CEP85L: variants seen among roughly 807,000 people sequenced by gnomAD.
CEP85L encodes the protein centrosomal protein 85L, also known as centrosomal protein of 85 kDa-like.
Under a neutral mutation model 100.3 loss-of-function variants are expected in CEP85L, and 60 were observed. The ratio of observed to expected loss-of-function variants is 0.60; its 90% CI spans 0.49 to 0.74. The LOEUF (loss-of-function observed/expected upper bound fraction) is 0.74. Among genes scored for constraint, CEP85L ranks in the 30% least tolerant of loss-of-function variants. The probability of loss-of-function intolerance (pLI) is 0.00; values close to 1 mark genes in which losing one functional copy is unlikely to be tolerated. For synonymous variants in CEP85L, 319 were observed against 322.7 expected (o/e 0.99, Z 0.12); for missense variants, 973 against 936.2 (o/e 1.04, Z -0.51).
At chr6:118,520,569 G>C (rs534817915) in intron 4 of CEP85L, among the ~76,000 whole-genome samples, 18 of 151,858 alleles carry the variant, frequency 1.2e-4, no homozygotes, top group African/African-American at 3.9e-4. Context: ...CTCTCTTCTA[G>C]CTATTTGAAA....
At chr6:118,470,779 T>C (rs1285825324) in intron 10 of CEP85L, 135 bp from the exon 11 acceptor site, 3 of 470,554 alleles carry the variant, frequency 6.4e-6, no homozygotes, top group Non-Finnish European at 1.1e-5. Flanking sequence ...AGATGAAGCC[T>C]TCACTTTTAA....
intron 12 of CEP85L, among the ~76,000 whole-genome samples, 175 bp downstream of exon 12, chr6:118,468,897 A>C (rs1772727885): frequency 6.6e-6 from 1 of 152,216 alleles, no homozygotes; most frequent in Non-Finnish European, 1.5e-5. Context: ...TGTCAGCTAT[A>C]ACCCTACTCA....
intron 12 of CEP85L, among the ~76,000 whole-genome samples, chr6:118,466,295 T>C (rs1316925678): frequency 1.3e-5 from 2 of 152,220 alleles, no homozygotes; most frequent in Non-Finnish European, 2.9e-5. Context: ...TAGTTTATTG[T>C]AGGCATAAGA....
chr6:118,549,794 G>C (rs9481824), intron 3 of CEP85L, among the ~76,000 whole-genome samples: 4,384 of 151,810 alleles, frequency 0.029, 106 homozygotes, highest in African/African-American at 0.056. Context: ...TATTGTATCA[G>C]AATTTTGCTA....
rs1299563783 is a variant in CEP85L, at chr6:118,461,663, A to T, written c.*3742T>A. ...CATACATGATTAAATATATGATATA[A>T]TCATATGGCAATATGCCACCCATGG... On this transcript the variant is annotated 3_prime_UTR_variant, in exon 13 of 13. Coordinates refer to ENST00000368491, the MANE Select transcript of CEP85L (RefSeq NM_001042475.3). 6.6e-6 allele frequency: 1 copy of T among 152,126 alleles called. No homozygotes were observed. The highest frequency in any genetic ancestry group is 2.4e-5 in the African/African-American group (1 of 41,458). The allele number at this position is 152,126 out of a possible 1,614,324, so 9.4% of individuals were successfully genotyped here.
chr6:118,625,809 A>G (rs1773751165), intron 2 of CEP85L, among the ~76,000 whole-genome samples: 1 of 152,148 alleles, frequency 6.6e-6, no homozygotes, highest in African/African-American at 2.4e-5. Context: ...CCATCTTGCT[A>G]TCACTCGCCT....
At chr6:118,548,434 T>C (rs954585334) in intron 3 of CEP85L, 1 of 152,146 alleles carries the variant, frequency 6.6e-6, no homozygotes, top group Non-Finnish European at 1.5e-5. Context: ...TCTTACTTTC[T>C]ATAATTCTTA....
At chr6:118,702,995 C>CAAAAA (rs34426942) in intron 1 of CEP85L, among the ~76,000 whole-genome samples, 3 of 93,684 alleles carry the variant, frequency 3.2e-5, no homozygotes, top group Admixed American at 1.2e-4. Flanking sequence ...GACTCTGTCT[C>CAAAAA]AAAAAAAAAA....
intron 2 of CEP85L, among the ~76,000 whole-genome samples, chr6:118,568,646 A>G (rs1304023006): frequency 6.6e-6 from 1 of 152,218 alleles, no homozygotes; most frequent in African/African-American, 2.4e-5. Flanking sequence ...TGATATGATC[A>G]AAAAAATTGT....
chr6:118,676,131 T>A (rs1263914672), intron 1 of CEP85L, among the ~76,000 whole-genome samples: 2 of 152,194 alleles, frequency 1.3e-5, no homozygotes, highest in Non-Finnish European at 2.9e-5. Flanking sequence ...TAATTGTATA[T>A]ATTTATGGGC....
intron 1 of CEP85L, among the ~76,000 whole-genome samples, chr6:118,700,568 C>T (rs903600716): frequency 6.6e-6 from 1 of 152,244 alleles, no homozygotes; most frequent in Admixed American, 6.5e-5. Flanking sequence ...TACCTTAGCA[C>T]TCTTTCAATT....
Position 118,519,885 on chromosome 6 carries a change from C to T in CEP85L, c.1139+3917G>A, listed in dbSNP as rs1776558490. On this transcript the variant is annotated intron_variant, in intron 4 of 12. Transcript: ENST00000368491. ...AATACATTACAAGAAAAGAAAAATA[C>T]AGACCAATATCTCTTATAAATATAA... is the stretch of plus-strand genomic sequence containing the variant. Among the ~76,000 whole-genome samples, 4 of 152,132 alleles carry T rather than the reference C, an allele frequency of 2.6e-5. No homozygotes were observed. The South Asian group carries it at 8.3e-4, about 32-fold the overall frequency.
At chr6:118,536,712 C>T (rs1278326360) in intron 3 of CEP85L, among the ~76,000 whole-genome samples, 1 of 152,148 alleles carries the variant, frequency 6.6e-6, no homozygotes. Context: ...ATATACCCTA[C>T]ACCAAGAATG....
intron 3 of CEP85L, among the ~76,000 whole-genome samples, chr6:118,553,129 C>T (rs1778646637): frequency 6.7e-6 from 1 of 150,202 alleles, no homozygotes; most frequent in Admixed American, 6.7e-5. Context: ...CTAAAAAGAT[C>T]AGATAACATG....
intron 5 of CEP85L, among the ~76,000 whole-genome samples, chr6:118,500,057 T>C (rs1425804104): frequency 6.6e-6 from 1 of 152,180 alleles, no homozygotes; most frequent in South Asian, 2.1e-4. Flanking sequence ...TCCCAGCACC[T>C]TGGAAGGCCA....
rs71012391 is a variant in CEP85L, at chr6:118,542,900, C to CAAAAAAAAAAAAAAAAAAAAAAAAAAAA, written c.1021-18981_1021-18980insTTTTTTTTTTTTTTTTTTTTTTTTTTTT. ...GAACTTCAACATCACCAAGTTTTCC[C>CAAAAAAAAAAAAAAAAAAAAAAAAAAAA]AAAAAAAAAAAAAAAAAAAAAAACA... is the stretch of plus-strand genomic sequence containing the variant. On this transcript the variant is annotated intron_variant, in intron 3 of 12. Transcript: ENST00000368491. Among the ~76,000 whole-genome samples, 17 of 67,158 alleles carry CAAAAAAAAAAAAAAAAAAAAAAAAAAAA rather than the reference C, an allele frequency of 2.5e-4. 3 individuals are homozygous for CAAAAAAAAAAAAAAAAAAAAAAAAAAAA. The highest frequency in any genetic ancestry group is 3.8e-4 in the Non-Finnish European group (13 of 34,562). 44.1% of individuals were successfully genotyped at this position (67,158 alleles called of 152,430 possible). A position where few individuals can be genotyped will look rare whatever the true frequency, so the allele number is the denominator to read the frequency against.
At chr6:118,530,360 T>G (rs1396375500) in intron 3 of CEP85L, among the ~76,000 whole-genome samples, 2 of 148,888 alleles carry the variant, frequency 1.3e-5, no homozygotes, top group Non-Finnish European at 3.0e-5. Flanking sequence ...AGGAACATAC[T>G]TAAAAATAAT....
upstream of CEP85L, chr6:118,651,753 T>C (rs1176973996): frequency 2.3e-5 from 23 of 986,426 alleles, no homozygotes; most frequent in East Asian, 2.3e-3. Flanking sequence ...TTCGCCTCCT[T>C]GGCGGCGACT....
intron 5 of CEP85L, among the ~76,000 whole-genome samples, chr6:118,500,918 C>T (rs1383798986): frequency 1.3e-5 from 2 of 152,234 alleles, no homozygotes; most frequent in Admixed American, 1.3e-4. Context: ...CTCATAGGGG[C>T]ATGACACTGG....
Sources: allele counts gnomAD v4.1 joint callset (sites outside exome capture counted in the v4.1 genomes callset), GRCh38; gene constraint gnomAD v4.1.1; transcripts MANE v1.5; gene names NCBI Gene and HGNC (gene_info 2026-07-23, HGNC 2026-07-21).